The following SLC25A26 variants were observed in gnomAD, a reference collection of about 807,000 sequenced individuals.
The protein encoded by SLC25A26 is solute carrier family 25 member 26.
SLC25A26 carries 36 observed loss-of-function variants against 37.8 expected under a neutral mutation model. The observed-to-expected ratio is 0.95, with a 90% CI of 0.73 to 1.26. The LOEUF is 1.26. SLC25A26 is among the 50% of genes most tolerant of loss of function. The probability of loss-of-function intolerance (pLI) is 0.00; values close to 1 mark genes in which losing one functional copy is unlikely to be tolerated. For synonymous variants in SLC25A26, 129 were observed against 122.5 expected, an observed-to-expected ratio of 1.05 and a Z score of -0.35; for missense variants, 390 against 331.1, an observed-to-expected ratio of 1.18 and a Z score of -1.38.
chr3:66,204,386 A>G (rs1482803559), intron 1 of SLC25A26, among the ~76,000 whole-genome samples: 3 of 136,258 alleles, frequency 2.2e-5, no homozygotes, highest in Non-Finnish European at 1.6e-5. Flanking sequence ...AGATCGCGCC[A>G]CTGCACTCCA....
At chr3:66,324,348 C>T (rs546979534) in intron 5 of SLC25A26, among the ~76,000 whole-genome samples, 1 of 152,102 alleles carries the variant, frequency 6.6e-6, no homozygotes, top group East Asian at 1.9e-4. Context: ...GATTGCAAAA[C>T]TAGTTGAGCC....
chr3:66,247,097 T>C (rs1279909625), intron 3 of SLC25A26, among the ~76,000 whole-genome samples: 2 of 151,828 alleles, frequency 1.3e-5, no homozygotes, highest in Non-Finnish European at 2.9e-5. Context: ...ATCTCCTGAC[T>C]TCGTGATCCG....
At chr3:66,318,791 A>G (rs747078114) in intron 5 of SLC25A26, among the ~76,000 whole-genome samples, 1 of 152,126 alleles carries the variant, frequency 6.6e-6, no homozygotes, top group Admixed American at 6.5e-5. Context: ...AGCTGGGACC[A>G]TAGATATGCA....
chr3:66,180,314 G>A (rs1245808991), intron 1 of SLC25A26, among the ~76,000 whole-genome samples: 1 of 152,054 alleles, frequency 6.6e-6, no homozygotes, highest in Non-Finnish European at 1.5e-5. Flanking sequence ...GTCTCCCTTT[G>A]ACCCCAACCC....
chr3:66,187,187 C>A (rs1195707777), intron 1 of SLC25A26, among the ~76,000 whole-genome samples: 1 of 151,548 alleles, frequency 6.6e-6, no homozygotes. Flanking sequence ...TGACCCTCAC[C>A]ATGACACCAT....
rs913160752 is a variant in SLC25A26, at chr3:66,196,398, T to C, written c.-353-24344T>C. On this transcript the variant is annotated intron_variant, in intron 1 of 10. Transcript: ENST00000676754. ...TAAATTGGGCTTATTATGGCTTGCATTGGGGGAGAATGCACACCACTGGGA... is the reference window on the plus strand; with the variant it reads ...TAAATTGGGCTTATTATGGCTTGCACTGGGGGAGAATGCACACCACTGGGA... 4.8e-3 allele frequency among the ~76,000 whole-genome samples: 733 copies of C among 152,196 alleles called. 10 individuals are homozygous for C. The highest frequency in any genetic ancestry group is 0.016 in the African/African-American group (681 of 41,522).
chr3:66,271,134 T>C (rs938064528), intron 5 of SLC25A26, among the ~76,000 whole-genome samples: 1 of 152,162 alleles, frequency 6.6e-6, no homozygotes. Context: ...AACCATAGTG[T>C]TGAAGTAGCT....
intron 5 of SLC25A26, among the ~76,000 whole-genome samples, chr3:66,305,924 G>A (rs771867697): frequency 1.3e-5 from 2 of 152,128 alleles, no homozygotes; most frequent in Admixed American, 6.6e-5. Flanking sequence ...CACCAATAGC[G>A]TAAAAGCATT....
chr3:66,371,541 G>T (rs1479916844), intron 9 of SLC25A26: 2 of 1,206,880 alleles, frequency 1.7e-6, no homozygotes, highest in Non-Finnish European at 2.1e-6. Context: ...CTGAGGGATT[G>T]ACGTTGGGGG....
chr3:66,241,004 C>G (rs1252776448), intron 2 of SLC25A26, among the ~76,000 whole-genome samples: 4 of 152,138 alleles, frequency 2.6e-5, no homozygotes, highest in Non-Finnish European at 5.9e-5. Flanking sequence ...GCCTCGTCCT[C>G]CCAAAGTGCT....
intron 5 of SLC25A26, among the ~76,000 whole-genome samples, chr3:66,266,434 G>A (rs1298534932): frequency 1.3e-5 from 2 of 152,106 alleles, no homozygotes; most frequent in African/African-American, 4.8e-5. Flanking sequence ...ACCTGGAAAC[G>A]TATACATTTA....
chr3:66,155,218 T>C (rs138636510), intron 1 of SLC25A26, among the ~76,000 whole-genome samples: 2 of 152,018 alleles, frequency 1.3e-5, no homozygotes, highest in Non-Finnish European at 2.9e-5. Context: ...AATGAATGAG[T>C]GAAATATGTG....
At chr3:66,344,909 T>C (rs1348271532) in intron 5 of SLC25A26, among the ~76,000 whole-genome samples, 3 of 152,210 alleles carry the variant, frequency 2.0e-5, no homozygotes, top group Non-Finnish European at 4.4e-5. Context: ...TCTTACCTCC[T>C]AACTGCCTTT....
intron 9 of SLC25A26, chr3:66,371,377 A>G (rs960762940): frequency 2.6e-6 from 4 of 1,529,120 alleles, no homozygotes; most frequent in Non-Finnish European, 1.8e-6. Flanking sequence ...GGCAGTTTTA[A>G]TCTCAGCTAT....
Position 66,206,903 on chromosome 3 carries a change from T to C in SLC25A26, c.-353-13839T>C, listed in dbSNP as rs1178896085. ...TAATTTTTCTTTCTTTCTTTTTTTT[T>C]TTTTTTTTTTTTAACACGGAGTTTT... On this transcript the variant is annotated intron_variant, in intron 1 of 10. Coordinates refer to the SLC25A26 transcript ENST00000676754. Among the ~76,000 whole-genome samples the C allele has an allele frequency of 1.5e-4, 23 of 150,198 alleles. No individual in the cohort carries two copies. In the East Asian group the frequency reaches 3.7e-3, roughly 24 times the overall value.
chr3:66,237,494 C>A (rs996960950), intron 2 of SLC25A26, among the ~76,000 whole-genome samples: 1 of 152,216 alleles, frequency 6.6e-6, no homozygotes, highest in African/African-American at 2.4e-5. Context: ...GCAGGTGAAC[C>A]TAAGAGGCAT....
chr3:66,319,234 C>T (rs1237868244), intron 5 of SLC25A26, among the ~76,000 whole-genome samples: 1 of 147,740 alleles, frequency 6.8e-6, no homozygotes, highest in Non-Finnish European at 1.5e-5. Flanking sequence ...TATTAGGAGC[C>T]TCATTATATA....
chr3:66,342,651 G>A (rs72902971), intron 5 of SLC25A26, among the ~76,000 whole-genome samples: 1 of 152,004 alleles, frequency 6.6e-6, no homozygotes, highest in Non-Finnish European at 1.5e-5. Flanking sequence ...ATGTAATTTT[G>A]TTCTTTATTT....
rs1445486002 is a variant in SLC25A26, at chr3:66,191,245, A to C, written c.-353-29497A>C. Among the ~76,000 whole-genome samples, 3 of 152,158 alleles carry C rather than the reference A, an allele frequency of 2.0e-5. No individual in the cohort carries two copies. The East Asian group carries it at 5.8e-4, about 29-fold the overall frequency. ...CNCCATCTCTACAAAAATACAAAAA[A>C]CTAGCCAGGTATGGTAACACACACC... is the stretch of plus-strand genomic sequence containing the variant. On this transcript the variant is annotated intron_variant, in intron 1 of 10. Coordinates refer to the SLC25A26 transcript ENST00000676754.
Sources: gnomAD v4.1 joint callset for allele counts (sites outside exome capture counted in the v4.1 genomes callset) on GRCh38, gnomAD v4.1.1 for gene constraint, MANE v1.5 for transcripts, NCBI Gene and HGNC (gene_info 2026-07-23, HGNC 2026-07-21) for gene names.